PTPRD: variants seen among roughly 807,000 people sequenced by gnomAD.
PTPRD encodes the protein receptor-type tyrosine-protein phosphatase delta.
PTPRD carries 34 observed loss-of-function variants against 214.5 expected under a neutral mutation model. The ratio of observed to expected loss-of-function variants is 0.16; its 90% CI spans 0.12 to 0.21. The LOEUF (loss-of-function observed/expected upper bound fraction) is 0.21, where lower values mean the gene tolerates loss of function less well. PTPRD is among the 10% of genes least tolerant of loss of function. The pLI is 1.00. For synonymous variants in PTPRD, 1,128 were observed against 845.7 expected (o/e 1.33, Z -5.79); for missense variants, 2,545 against 2,398.7 (o/e 1.06, Z -1.27).
At chr9:9,109,613 C>G (rs16928955) in intron 10 of PTPRD, among the ~76,000 whole-genome samples, 12,259 of 152,004 alleles carry the variant, frequency 0.081, 642 homozygotes, top group East Asian at 0.16. Flanking sequence ...GAGAAGAGAG[C>G]CACAAAGAGC....
At chr9:9,605,481 T>C (rs889803509) in intron 7 of PTPRD, among the ~76,000 whole-genome samples, 3 of 152,048 alleles carry the variant, frequency 2.0e-5, no homozygotes, top group Admixed American at 6.6e-5. Flanking sequence ...TTGGTTTCTT[T>C]ATATGTTTGC....
At chr9:8,836,557 A>AG (rs1402522222) in intron 11 of PTPRD, among the ~76,000 whole-genome samples, 2 of 137,994 alleles carry the variant, frequency 1.4e-5, no homozygotes, top group African/African-American at 5.3e-5. Flanking sequence ...AAGTAATTTT[A>AG]GGTCTTAAGT....
intron 3 of PTPRD, among the ~76,000 whole-genome samples, chr9:10,257,902 G>T (rs902394648): frequency 6.6e-6 from 1 of 152,170 alleles, no homozygotes; most frequent in South Asian, 2.1e-4. Context: ...CCTTTCTGTG[G>T]CAGAAAATAA....
chr9:8,607,069 G>C (rs889100590), intron 14 of PTPRD, among the ~76,000 whole-genome samples: 1 of 152,248 alleles, frequency 6.6e-6, no homozygotes. Context: ...TTGGACAAAG[G>C]ATACAAAATT....
intron 26 of PTPRD, among the ~76,000 whole-genome samples, chr9:8,493,340 A>T (rs2097189263): frequency 6.6e-6 from 1 of 152,224 alleles, no homozygotes; most frequent in East Asian, 1.9e-4. Context: ...TTATAATAGG[A>T]CCCCATAGGA....
At chr9:8,663,632 C>T (rs2097111391) in intron 12 of PTPRD, among the ~76,000 whole-genome samples, 1 of 152,022 alleles carries the variant, frequency 6.6e-6, no homozygotes, top group Non-Finnish European at 1.5e-5. Flanking sequence ...GCTGGGGTTA[C>T]AGGCACCTAC....
intron 12 of PTPRD, among the ~76,000 whole-genome samples, chr9:8,709,511 T>A (rs1326543384): frequency 9.4e-5 from 10 of 106,422 alleles, no homozygotes; most frequent in Admixed American, 6.0e-4. Context: ...TGAGACTCCA[T>A]CTCAAAAAAA....
At chr9:8,954,717 T>A (rs1463254276) in intron 11 of PTPRD, among the ~76,000 whole-genome samples, 3 of 151,886 alleles carry the variant, frequency 2.0e-5, no homozygotes, top group Non-Finnish European at 4.4e-5. Context: ...TTGATTTCAT[T>A]GCTTTCTGTT....
At chr9:8,601,827 A>G (rs1172984462) in intron 14 of PTPRD, among the ~76,000 whole-genome samples, 1 of 152,208 alleles carries the variant, frequency 6.6e-6, no homozygotes, top group Non-Finnish European at 1.5e-5. Flanking sequence ...AGAAAACCAT[A>G]CATTTATTAA....
intron 12 of PTPRD, among the ~76,000 whole-genome samples, chr9:8,718,147 C>T (rs1249186532): frequency 6.6e-6 from 1 of 152,154 alleles, no homozygotes; most frequent in African/African-American, 2.4e-5. Context: ...AATCAGAAAG[C>T]ACTTTTTGGG....
chr9:9,219,145 T>C (rs1251898666), intron 9 of PTPRD, among the ~76,000 whole-genome samples: 1 of 152,140 alleles, frequency 6.6e-6, no homozygotes, highest in East Asian at 1.9e-4. Context: ...AATGTACAGA[T>C]ATTTAAATAT....
In PTPRD at chr9:9,082,059, T is replaced by C. The variant is rs144149706; in HGVS notation, c.-142-63324A>G. Among the ~76,000 whole-genome samples the C allele has an allele frequency of 7.2e-3, 1,088 of 151,984 alleles. 11 individuals are homozygous for C. Among genetic ancestry groups the C allele is most frequent in the African/African-American group, 0.016 (645 of 41,428 alleles). On this transcript the variant is annotated intron_variant, in intron 10 of 45. Transcript: ENST00000381196. The stretch of plus-strand genomic sequence containing the variant: ...AAAGAGGAGCTGGTACCAATCCTTC[T>C]GAAACTATTACAAACAATAGAAAAA...
At chr9:9,384,767 C>A (rs1055978505) in intron 9 of PTPRD, among the ~76,000 whole-genome samples, 1 of 151,928 alleles carries the variant, frequency 6.6e-6, no homozygotes, top group African/African-American at 2.4e-5. Flanking sequence ...CTCATTGCTG[C>A]TTTTTTCATG....
At chr9:8,862,982 G>T (rs1199076220) in intron 11 of PTPRD, among the ~76,000 whole-genome samples, 1 of 152,116 alleles carries the variant, frequency 6.6e-6, no homozygotes, top group Non-Finnish European at 1.5e-5. Flanking sequence ...CGCGTTAGTG[G>T]GTGCAGCGCA....
In PTPRD at chr9:8,521,386, T is replaced by C. The variant is rs2138875136; in HGVS notation, c.852A>G (p.Ile284Met). The change falls in exon 20 of 46, where the codon ATA (isoleucine) becomes ATG (methionine). Residue 284 changes from isoleucine (I) to methionine (M), a missense_variant. Coordinates refer to ENST00000381196, the MANE Select transcript of PTPRD (RefSeq NM_002839.4). ...EDLTPEDDMPIGRNVLELNDV... is the reference protein window; with the variant it reads ...EDLTPEDDMPMGRNVLELNDV... ...CATTCAGTTCTAGCACATTTCTTCC[T>C]ATTGGCATATCATCTTCAGGTGTCA... The C allele has an allele frequency of 6.2e-7, 1 of 1,614,050 alleles. No individual in the cohort carries two copies. Among genetic ancestry groups the C allele is most frequent in the East Asian group, 2.2e-5 (1 of 44,866 alleles).
chr9:9,262,549 C>T (rs1158948057), intron 9 of PTPRD, among the ~76,000 whole-genome samples: 1 of 150,924 alleles, frequency 6.6e-6, no homozygotes, highest in African/African-American at 2.4e-5. Flanking sequence ...CAAGATATGC[C>T]TTTTTATACA....
chr9:8,633,909 A>G (rs1047087217), intron 13 of PTPRD, among the ~76,000 whole-genome samples: 2 of 152,080 alleles, frequency 1.3e-5, no homozygotes, highest in African/African-American at 4.8e-5. Flanking sequence ...CTGCTAGTTT[A>G]AACTGTCTCA....
At chr9:8,960,890 G>A (rs1447318223) in intron 11 of PTPRD, among the ~76,000 whole-genome samples, 3 of 151,910 alleles carry the variant, frequency 2.0e-5, no homozygotes, top group Non-Finnish European at 2.9e-5. Context: ...AAATTCCAAG[G>A]TACTATATGA....
chr9:10,033,387 T>C (rs1254206907), intron 4 of PTPRD, among the ~76,000 whole-genome samples: 1 of 151,818 alleles, frequency 6.6e-6, no homozygotes, highest in Non-Finnish European at 1.5e-5. Flanking sequence ...CACTCAGCTA[T>C]TGCTTGTGAG....
Sources: gnomAD v4.1 joint callset for allele counts (sites outside exome capture counted in the v4.1 genomes callset) on GRCh38, gnomAD v4.1.1 for gene constraint, MANE v1.5 for transcripts, NCBI Gene and HGNC (gene_info 2026-07-23, HGNC 2026-07-21) for gene names.